The following GSK3B variants were observed in gnomAD, a reference collection of about 807,000 sequenced individuals.
GSK3B encodes the protein glycogen synthase kinase-3 beta.
In GSK3B, 15 loss-of-function variants were observed where a neutral mutation model predicts 56.4. That is an observed-to-expected ratio of 0.27 (90% CI 0.18 to 0.41). The LOEUF (loss-of-function observed/expected upper bound fraction) is 0.41, where lower values mean the gene tolerates loss of function less well. Ranked by LOEUF, GSK3B falls within the 10% of genes least tolerant of loss-of-function variation. GSK3B has a pLI of 1.00. For synonymous variants in GSK3B, 181 were observed against 188.9 expected, an observed-to-expected ratio of 0.96 and a Z score of 0.34; for missense variants, 300 against 513.4, an observed-to-expected ratio of 0.58 and a Z score of 4.02.
intron 4 of GSK3B, among the ~76,000 whole-genome samples, chr3:119,919,279 G>A (rs2056812357): frequency 2.6e-5 from 4 of 152,072 alleles, no homozygotes; most frequent in Admixed American, 2.6e-4. Context: ...CAGATGATGA[G>A]GTTCATGAAG....
At chr3:120,018,374 CT>C (rs2057844786) in intron 1 of GSK3B, among the ~76,000 whole-genome samples, 2 of 152,108 alleles carry the variant, frequency 1.3e-5, no homozygotes, top group African/African-American at 2.4e-5. Flanking sequence ...ATAGGGCCAA[CT>C]TTCCACATAC....
intron 2 of GSK3B, among the ~76,000 whole-genome samples, chr3:119,994,909 T>C (rs1406596936): frequency 6.6e-6 from 1 of 152,146 alleles, no homozygotes; most frequent in Non-Finnish European, 1.5e-5. Flanking sequence ...TAATTGTTAA[T>C]TTCTTGATTT....
intron 6 of GSK3B, among the ~76,000 whole-genome samples, chr3:119,911,277 T>G (rs1241088407): frequency 2.6e-5 from 4 of 152,160 alleles, no homozygotes; most frequent in Admixed American, 2.0e-4. Flanking sequence ...TCTGGAGTAG[T>G]AGGTCTCAGC....
At chr3:119,933,209 A>G (rs1378965276) in intron 3 of GSK3B, among the ~76,000 whole-genome samples, 3 of 152,260 alleles carry the variant, frequency 2.0e-5, no homozygotes, top group Admixed American at 6.5e-5. Flanking sequence ...AAAGATAGCA[A>G]TAAGCCACAA....
intron 7 of GSK3B, among the ~76,000 whole-genome samples, chr3:119,892,360 C>A (rs989467125): frequency 1.3e-5 from 2 of 152,132 alleles, no homozygotes; most frequent in African/African-American, 4.8e-5. Context: ...AGAAACACAC[C>A]AAACCTAGTT....
chr3:119,870,183 C>G (rs1460255159), intron 8 of GSK3B, among the ~76,000 whole-genome samples: 10 of 152,162 alleles, frequency 6.6e-5, no homozygotes, highest in African/African-American at 2.4e-4. Context: ...ACCATCCTCA[C>G]TGGAAGTCTG....
intron 1 of GSK3B, among the ~76,000 whole-genome samples, chr3:120,055,116 G>T (rs1180518248): frequency 6.6e-6 from 1 of 151,822 alleles, no homozygotes; most frequent in Non-Finnish European, 1.5e-5. Flanking sequence ...ATTCTTAATT[G>T]TTTGTGGCTA....
Position 119,910,600 on chromosome 3 carries a change from G to A in GSK3B, c.715+2104C>T, listed in dbSNP as rs148877678. ...GGGTGGCAGTTGCTGAAGGCTATAC[G>A]ATGTGGCTGGAGTAATTTCTTAAAG... is the stretch of plus-strand genomic sequence containing the variant. On this transcript the variant is annotated intron_variant, in intron 6 of 10. Transcript: ENST00000264235. Among the ~76,000 whole-genome samples the A allele has an allele frequency of 5.1e-4, 77 of 152,254 alleles. No individual in the cohort carries two copies. In the East Asian group the frequency reaches 0.013, roughly 26 times the overall value.
At chr3:119,975,022 T>C (rs1005386477) in intron 2 of GSK3B, among the ~76,000 whole-genome samples, 2 of 152,222 alleles carry the variant, frequency 1.3e-5, no homozygotes, top group African/African-American at 4.8e-5. Context: ...AACCTGCACA[T>C]GAATGTTTAC....
At chr3:119,938,687 A>G (rs1157545079) in intron 3 of GSK3B, among the ~76,000 whole-genome samples, 5 of 152,196 alleles carry the variant, frequency 3.3e-5, no homozygotes, top group African/African-American at 1.2e-4. Flanking sequence ...ATATATTGAT[A>G]TTCAGCAATG....
At position 119,822,051 on chromosome 3, in the gene GSK3B, T is replaced by C. The variant is rs953763687; in HGVS notation, c.*4737A>G. The C allele has an allele frequency of 1.5e-5, 3 of 196,776 alleles. No individual in the cohort carries two copies. The Admixed American group carries it at 1.8e-4, about 12-fold the overall frequency. 12.2% of individuals were successfully genotyped at this position (196,776 alleles called of 1,614,324 possible). On this transcript the variant is annotated 3_prime_UTR_variant, in exon 11 of 11. Coordinates refer to ENST00000264235, the MANE Select transcript of GSK3B (RefSeq NM_001146156.2). ...CAAGTCACATAGAACAAAATGTATT[T>C]ACAAGGGAATGGGGAAAGGGAAAAA...
intron 1 of GSK3B, among the ~76,000 whole-genome samples, chr3:120,008,224 T>TA (rs2057746503): frequency 1.3e-5 from 2 of 151,936 alleles, no homozygotes; most frequent in Non-Finnish European, 2.9e-5. Flanking sequence ...CTCAAGGAAA[T>TA]AAAAGAGGAC....
At chr3:120,062,341 A>G (rs968528819) in intron 1 of GSK3B, among the ~76,000 whole-genome samples, 1 of 152,216 alleles carries the variant, frequency 6.6e-6, no homozygotes, top group Non-Finnish European at 1.5e-5. Flanking sequence ...CTTCAAAAAT[A>G]TACAGCAAGT....
At chr3:120,013,531 T>C (rs904646842) in intron 1 of GSK3B, among the ~76,000 whole-genome samples, 2 of 152,174 alleles carry the variant, frequency 1.3e-5, no homozygotes, top group South Asian at 2.1e-4. Context: ...ACTGCCTCTA[T>C]AAAAATTTTC....
At chr3:119,981,870 A>G (rs1158446584) in intron 2 of GSK3B, among the ~76,000 whole-genome samples, 1 of 152,238 alleles carries the variant, frequency 6.6e-6, no homozygotes, top group Non-Finnish European at 1.5e-5. Flanking sequence ...TTGAGCTCTG[A>G]GAACAGACAG....
intron 1 of GSK3B, among the ~76,000 whole-genome samples, chr3:120,071,993 G>A (rs530202464): frequency 2.2e-4 from 33 of 152,266 alleles, no homozygotes; most frequent in African/African-American, 7.9e-4. Context: ...AGAATAGAAA[G>A]GAAAGGGAGA....
intron 10 of GSK3B, among the ~76,000 whole-genome samples, chr3:119,829,524 G>A (rs147426879): frequency 1.3e-5 from 2 of 152,280 alleles, no homozygotes; most frequent in Admixed American, 6.5e-5. Flanking sequence ...CTCTGGCCAC[G>A]GCAGCCATTA....
intron 1 of GSK3B, among the ~76,000 whole-genome samples, chr3:120,083,122 C>G (rs2058435073): frequency 6.6e-6 from 1 of 152,064 alleles, no homozygotes; most frequent in Non-Finnish European, 1.5e-5. Flanking sequence ...TATATAGCTT[C>G]TTAACTGCCC....
chr3:119,848,457 T>C (rs576653037), intron 9 of GSK3B, among the ~76,000 whole-genome samples: 1 of 152,266 alleles, frequency 6.6e-6, no homozygotes. Flanking sequence ...TATGTTAACA[T>C]AAACCATTTA....
Sources: gnomAD v4.1 joint callset for allele counts (sites outside exome capture counted in the v4.1 genomes callset) on GRCh38, gnomAD v4.1.1 for gene constraint, MANE v1.5 for transcripts, NCBI Gene and HGNC (gene_info 2026-07-23, HGNC 2026-07-21) for gene names.